The following LRP1B variants were observed in gnomAD, a reference collection of about 807,000 sequenced individuals.
LRP1B encodes low-density lipoprotein receptor-related protein 1B.
LRP1B carries 217 observed loss-of-function variants against 556.6 expected under a neutral mutation model. That is an observed-to-expected ratio of 0.39 (90% CI 0.35 to 0.44). The LOEUF is 0.44. Ranked by LOEUF, LRP1B falls within the 20% of genes least tolerant of loss-of-function variation. The pLI, the probability that LRP1B is intolerant of heterozygous loss-of-function variation, is 1.00. For synonymous variants in LRP1B, 2,047 were observed against 1,865.8 expected (o/e 1.10, Z -2.50); for missense variants, 5,053 against 5,620.8 (o/e 0.90, Z 3.23).
intron 2 of LRP1B, among the ~76,000 whole-genome samples, chr2:141,669,925 T>C (rs1690599232): frequency 6.6e-6 from 1 of 151,976 alleles, no homozygotes; most frequent in African/African-American, 2.4e-5. Flanking sequence ...TGGCTAATTT[T>C]TGTATTTTTA....
At chr2:141,415,985 G>A (rs184403479) in intron 3 of LRP1B, among the ~76,000 whole-genome samples, 4 of 152,252 alleles carry the variant, frequency 2.6e-5, no homozygotes, top group East Asian at 1.9e-4. Context: ...TAAATTAATC[G>A]CCAGACTACT....
At chr2:142,092,789 A>G (rs1022093290) in intron 1 of LRP1B, among the ~76,000 whole-genome samples, 1 of 152,140 alleles carries the variant, frequency 6.6e-6, no homozygotes, top group African/African-American at 2.4e-5. Flanking sequence ...ACTAAAATAG[A>G]TATTAACAAC....
chr2:141,818,156 T>A (rs1696622273), intron 1 of LRP1B, among the ~76,000 whole-genome samples: 1 of 152,214 alleles, frequency 6.6e-6, no homozygotes, highest in Non-Finnish European at 1.5e-5. Context: ...AATATGGTTA[T>A]ATTTTCTTTT....
rs534623668 is a variant in LRP1B, at chr2:140,975,880, G to T, written c.2887+6280C>A. On this transcript the variant is annotated intron_variant, in intron 18 of 90. Transcript: ENST00000389484. ...TTTAACTGGGTAAAAATTCCATTTT[G>T]ATAGCTGAAACTCTTCCTTATTTCT... 2.6e-5 allele frequency among the ~76,000 whole-genome samples: 4 copies of T among 152,088 alleles called. No homozygotes were observed. In the East Asian group the frequency reaches 7.7e-4, roughly 29 times the overall value.
At chr2:140,431,162 C>A (rs7568292) in intron 66 of LRP1B, among the ~76,000 whole-genome samples, 1 of 151,996 alleles carries the variant, frequency 6.6e-6, no homozygotes, top group Non-Finnish European at 1.5e-5. Flanking sequence ...TTCAGTGAAA[C>A]CTTTATATCC....
intron 43 of LRP1B, among the ~76,000 whole-genome samples, chr2:140,563,146 CATG>C (rs1438442689): frequency 4.6e-5 from 7 of 151,710 alleles, no homozygotes; most frequent in Non-Finnish European, 7.4e-5. Flanking sequence ...TCCATGAATC[CATG>C]ATAAGCTAAA....
chr2:140,272,191 G>C (rs1682488621), intron 85 of LRP1B, among the ~76,000 whole-genome samples: 1 of 151,228 alleles, frequency 6.6e-6, no homozygotes, highest in Non-Finnish European at 1.5e-5. Flanking sequence ...AAAGAGTGCA[G>C]CTCATATTTT....
chr2:142,052,345 T>G (rs1704492155), intron 1 of LRP1B, among the ~76,000 whole-genome samples: 1 of 152,080 alleles, frequency 6.6e-6, no homozygotes, highest in Non-Finnish European at 1.5e-5. Context: ...TAGGGCAGGT[T>G]GGCTTAGGTC....
chr2:140,657,743 T>C (rs1204081020), intron 41 of LRP1B, among the ~76,000 whole-genome samples: 1 of 151,524 alleles, frequency 6.6e-6, no homozygotes. Flanking sequence ...GAGGTATTAT[T>C]TTAATGTACT....
At chr2:141,427,898 G>A (rs1680426932) in intron 3 of LRP1B, among the ~76,000 whole-genome samples, 1 of 152,110 alleles carries the variant, frequency 6.6e-6, no homozygotes, top group Non-Finnish European at 1.5e-5. Flanking sequence ...CAAGATGGAA[G>A]CCGTCATGTG....
intron 3 of LRP1B, among the ~76,000 whole-genome samples, chr2:141,372,857 C>T (rs1013181990): frequency 6.6e-6 from 1 of 151,926 alleles, no homozygotes; most frequent in Non-Finnish European, 1.5e-5. Context: ...TTGGGGGTGC[C>T]TCTCTTTAAT....
chr2:140,350,725 T>G (rs1681918454), intron 77 of LRP1B, 72 bp downstream of exon 77: 2 of 1,305,086 alleles, frequency 1.5e-6, no homozygotes, highest in Non-Finnish European at 2.1e-6. Flanking sequence ...GATATTATAT[T>G]AGATAAATTT....
intron 2 of LRP1B, among the ~76,000 whole-genome samples, chr2:141,701,692 A>G (rs1002229434): frequency 2.6e-5 from 4 of 151,910 alleles, no homozygotes; most frequent in Non-Finnish European, 5.9e-5. Context: ...TTTATTTTCA[A>G]AACGAATCTA....
chr2:141,717,191 A>G (rs568659031), intron 2 of LRP1B, among the ~76,000 whole-genome samples: 1 of 152,344 alleles, frequency 6.6e-6, no homozygotes, highest in East Asian at 1.9e-4. Flanking sequence ...TAGTCCAGAA[A>G]GCAATTTTCT....
intron 3 of LRP1B, among the ~76,000 whole-genome samples, chr2:141,462,949 T>C (rs935048002): frequency 1.3e-4 from 17 of 133,974 alleles, no homozygotes; most frequent in African/African-American, 3.8e-4. Context: ...TTTGTAATTT[T>C]TTAAAAGAGG....
chr2:142,053,896 C>A (rs1704561686), intron 1 of LRP1B, among the ~76,000 whole-genome samples: 1 of 151,990 alleles, frequency 6.6e-6, no homozygotes, highest in African/African-American at 2.4e-5. Context: ...CCTAGAAGAC[C>A]AGGGACAAGA....
intron 86 of LRP1B, among the ~76,000 whole-genome samples, chr2:140,258,874 C>G (rs1681811175): frequency 6.6e-6 from 1 of 152,088 alleles, no homozygotes; most frequent in African/African-American, 2.4e-5. Context: ...AAATCTTTGT[C>G]TTCCTTTACA....
chr2:140,342,056 A>C (rs1349299616), intron 77 of LRP1B, among the ~76,000 whole-genome samples: 4 of 151,532 alleles, frequency 2.6e-5, no homozygotes, highest in Non-Finnish European at 5.9e-5. Context: ...GCTATTATTA[A>C]AACATCAAAA....
At chr2:141,737,050 AC>A (rs2105531461) in intron 2 of LRP1B, among the ~76,000 whole-genome samples, 1 of 152,106 alleles carries the variant, frequency 6.6e-6, no homozygotes, top group East Asian at 1.9e-4. Flanking sequence ...TGGTGGGTAG[AC>A]TTTTCTAAAT....
Sources: gnomAD v4.1 joint callset for allele counts (sites outside exome capture counted in the v4.1 genomes callset) on GRCh38, gnomAD v4.1.1 for gene constraint, MANE v1.5 for transcripts, NCBI Gene and HGNC (gene_info 2026-07-23, HGNC 2026-07-21) for gene names.